COQ8A: variants seen among roughly 807,000 people sequenced by gnomAD.
COQ8A encodes atypical kinase COQ8A, mitochondrial.
A neutral mutation model predicts 65.0 loss-of-function variants in COQ8A; 51 were observed. The ratio of observed to expected loss-of-function variants is 0.78; its 90% CI spans 0.63 to 0.99. COQ8A has a LOEUF of 0.99. COQ8A is among the 50% of genes least tolerant of loss of function. The pLI is 0.00. For missense variants in COQ8A, 940 were observed against 875.0 expected, an observed-to-expected ratio of 1.07 and a Z score of -0.94; for synonymous variants, 371 against 353.2, an observed-to-expected ratio of 1.05 and a Z score of -0.57.
At chr1:226,941,711 G>T (rs1031925453) in intron 1 of COQ8A, among the ~76,000 whole-genome samples, 1 of 151,440 alleles carries the variant, frequency 6.6e-6, no homozygotes, top group African/African-American at 2.4e-5. Flanking sequence ...GGAGGCAGAG[G>T]TTGCAGTGAG....
intron 1 of COQ8A, among the ~76,000 whole-genome samples, chr1:226,960,507 G>GTGGTGGTGGTGCT (rs1658170145): frequency 2.5e-5 from 2 of 79,108 alleles, no homozygotes; most frequent in Non-Finnish European, 5.1e-5. Context: ...GTGGTGCTTG[G>GTGGTGGTGGTGCT]TGGTGGTGGT....
chr1:226,983,958 T>C, intron 10 of COQ8A, 104 bp downstream of exon 10: 1 of 1,526,322 alleles, frequency 6.6e-7, no homozygotes, highest in South Asian at 1.2e-5. Flanking sequence ...GGCAGAGGGC[T>C]GGGGTTGCAG....
chr1:226,953,912 T>G (rs1187748499), intron 1 of COQ8A, among the ~76,000 whole-genome samples: 1 of 152,208 alleles, frequency 6.6e-6, no homozygotes, highest in Non-Finnish European at 1.5e-5. Flanking sequence ...ACACATACAT[T>G]CTTGTGAGTC....
intron 4 of COQ8A, among the ~76,000 whole-genome samples, chr1:226,973,606 C>G (rs79412575): frequency 6.6e-6 from 1 of 152,228 alleles, no homozygotes; most frequent in Non-Finnish European, 1.5e-5. Context: ...GAACTCCTCT[C>G]GCCTTCCCGT....
chr1:226,987,042 G>C lies in COQ8A; in HGVS notation c.*305G>C. On this transcript the variant is annotated 3_prime_UTR_variant, in exon 15 of 15. Transcript: ENST00000366777. ...TTCTTTTTCCTGATGTGAATGTTAA[G>C]CAGAAGGGAGAGAGTCCTTACTCCC... The C allele has an allele frequency of 2.2e-6, 1 of 450,278 alleles. No individual in the cohort carries two copies. Among genetic ancestry groups the C allele is most frequent in the Non-Finnish European group, 4.1e-6 (1 of 243,258 alleles). The allele number at this position is 450,278 out of a possible 1,614,324, so 27.9% of individuals were successfully genotyped here.
chr1:226,943,716 A>T (rs533337008), intron 1 of COQ8A, among the ~76,000 whole-genome samples: 42 of 152,302 alleles, frequency 2.8e-4, no homozygotes, highest in African/African-American at 1.0e-3. Context: ...TATAATTTGC[A>T]TACGGTAAAT....
At chr1:226,977,842 C>G (rs1160299490) in intron 5 of COQ8A, among the ~76,000 whole-genome samples, 2 of 151,752 alleles carry the variant, frequency 1.3e-5, no homozygotes, top group Non-Finnish European at 2.9e-5. Flanking sequence ...CACTGAACAC[C>G]CACACACAAC....
At chr1:226,956,005 C>A in intron 1 of COQ8A, among the ~76,000 whole-genome samples, 2 of 141,282 alleles carry the variant, frequency 1.4e-5, no homozygotes, top group Non-Finnish European at 1.5e-5. Context: ...TTCACACTCT[C>A]CCTGGCTCCC....
At chr1:226,984,840 C>T in intron 12 of COQ8A, 36 bp from the exon 13 acceptor site, 2 of 1,611,832 alleles carry the variant, frequency 1.2e-6, no homozygotes, top group Non-Finnish European at 1.7e-6. Context: ...CCATGGAGCA[C>T]CAGGGCCAAA....
At chr1:226,979,032 G>A (rs914577658) in intron 5 of COQ8A, among the ~76,000 whole-genome samples, 4 of 152,150 alleles carry the variant, frequency 2.6e-5, no homozygotes. Flanking sequence ...TGGTCTGGCC[G>A]GGTCAGGTGT....
At chr1:226,941,185 G>A (rs1656666875) in intron 1 of COQ8A, among the ~76,000 whole-genome samples, 1 of 152,216 alleles carries the variant, frequency 6.6e-6, no homozygotes, top group East Asian at 1.9e-4. Context: ...TTCCTGAAGG[G>A]TGAGAGGCTT....
rs907440613 is a variant in COQ8A, at chr1:226,983,379, C to G, written c.1081-173C>G. On this transcript the variant is annotated intron_variant, in intron 8 of 14. Transcript: ENST00000366777. ...AGGCAGGAGTAGGTGGACAACGAGG[C>G]TGTGATGGGGTCCAGGTCACGGCAG... 7.0e-6 allele frequency: 5 copies of G among 709,222 alleles called. No homozygotes were observed. In the African/African-American group the frequency reaches 8.7e-5, roughly 12 times the overall value. The allele number at this position is 709,222 out of a possible 1,614,324, so 43.9% of individuals were successfully genotyped here.
intron 12 of COQ8A, 46 bp downstream of exon 12, chr1:226,984,701 T>A: frequency 3.8e-6 from 6 of 1,574,594 alleles, no homozygotes; most frequent in Non-Finnish European, 5.2e-6. Context: ...TGAGAGCTTC[T>A]CCGAATGGGG....
intron 1 of COQ8A, among the ~76,000 whole-genome samples, chr1:226,956,159 C>G (rs1430224228): frequency 7.0e-6 from 1 of 142,486 alleles, no homozygotes; most frequent in Non-Finnish European, 1.5e-5. Context: ...CCCTGGTTCA[C>G]ACTCTCCCTG....
intron 5 of COQ8A, among the ~76,000 whole-genome samples, chr1:226,979,148 T>C (rs1659540465): frequency 6.6e-6 from 1 of 152,168 alleles, no homozygotes; most frequent in Non-Finnish European, 1.5e-5. Flanking sequence ...ACCTCTGACG[T>C]GAAGGTCACA....
At chr1:226,985,572 G>T (rs890396679) in intron 14 of COQ8A, among the ~76,000 whole-genome samples, 2 of 152,212 alleles carry the variant, frequency 1.3e-5, no homozygotes, top group East Asian at 3.9e-4. Context: ...TCTTGTTTCT[G>T]CCTCTCACTC....
rs11420839 is a variant in COQ8A at position 226,987,122 on chromosome 1, A to ATT, written c.*388_*389dup. ...AAACATGAACAGATACGATTGTGGG[A>ATT]TTTTATCATCTGTGTAGTAGGTGTG... On this transcript the variant is annotated 3_prime_UTR_variant, in exon 15 of 15. Transcript: ENST00000366777. 8 of 293,744 alleles carry ATT rather than the reference A, an allele frequency of 2.7e-5. No homozygotes were observed. The highest frequency in any genetic ancestry group is 5.3e-5 in the Non-Finnish European group (8 of 150,334). 18.2% of individuals were successfully genotyped at this position (293,744 alleles called of 1,614,324 possible). A position where few individuals can be genotyped will look rare whatever the true frequency, so the allele number is the denominator to read the frequency against.
chr1:226,961,227 T>TG, intron 1 of COQ8A, 150 bp from the exon 2 acceptor site: 1 of 817,410 alleles, frequency 1.2e-6, no homozygotes, highest in Non-Finnish European at 2.0e-6. Context: ...CCTTGAGCCC[T>TG]GGGCCCTTTC....
intron 4 of COQ8A, among the ~76,000 whole-genome samples, chr1:226,975,514 G>A (rs1198134939): frequency 1.3e-5 from 2 of 152,226 alleles, no homozygotes; most frequent in Non-Finnish European, 2.9e-5. Flanking sequence ...TTGTTGAAAT[G>A]ATAACATTTT....
Sources: allele counts gnomAD v4.1 joint callset (sites outside exome capture counted in the v4.1 genomes callset), GRCh38; gene constraint gnomAD v4.1.1; transcripts MANE v1.5; gene names NCBI Gene and HGNC (gene_info 2026-07-23, HGNC 2026-07-21).